Variants in IMMP2L observed in about 807,000 individuals in gnomAD.
The protein encoded by IMMP2L is mitochondrial inner membrane protease subunit 2.
IMMP2L carries 18 observed loss-of-function variants against 19.3 expected under a neutral mutation model. The ratio of observed to expected loss-of-function variants is 0.93; its 90% confidence interval spans 0.64 to 1.38. IMMP2L has a LOEUF of 1.38. IMMP2L is among the 40% of genes most tolerant of loss of function. The probability of loss-of-function intolerance (pLI) is 0.00; values close to 1 mark genes in which losing one functional copy is unlikely to be tolerated. For missense variants in IMMP2L, 233 were observed against 218.2 expected, an observed-to-expected ratio of 1.07 and a Z score of -0.43; for synonymous variants, 76 against 73.0, an observed-to-expected ratio of 1.04 and a Z score of -0.21.
At chr7:110,892,851 T>G (rs1648185331) in intron 4 of IMMP2L, among the ~76,000 whole-genome samples, 1 of 152,308 alleles carries the variant, frequency 6.6e-6, no homozygotes, top group Non-Finnish European at 1.5e-5. Flanking sequence ...ACATAATCAC[T>G]ATTTACATCA....
intron 3 of IMMP2L, among the ~76,000 whole-genome samples, chr7:111,356,339 C>G (rs2130936132): frequency 6.6e-6 from 1 of 152,106 alleles, no homozygotes; most frequent in African/African-American, 2.4e-5. Flanking sequence ...GTCATTATCC[C>G]CCAAACAATA....
At chr7:111,316,086 A>G (rs534482729) in intron 3 of IMMP2L, among the ~76,000 whole-genome samples, 5 of 152,160 alleles carry the variant, frequency 3.3e-5, no homozygotes, top group Non-Finnish European at 2.9e-5. Context: ...TTGTAGCACA[A>G]TGATATTTGT....
intron 4 of IMMP2L, among the ~76,000 whole-genome samples, chr7:110,887,411 G>T (rs1810332223): frequency 6.6e-6 from 1 of 152,018 alleles, no homozygotes; most frequent in African/African-American, 2.4e-5. Context: ...ATGTATAATG[G>T]TATAATGTTT....
At chr7:110,884,658 T>C (rs1225006483) in intron 5 of IMMP2L, among the ~76,000 whole-genome samples, 2 of 152,032 alleles carry the variant, frequency 1.3e-5, no homozygotes, top group Non-Finnish European at 2.9e-5. Flanking sequence ...ATAAAATGGC[T>C]TTTAGGTAAT....
At chr7:111,235,674 T>C (rs1337444356) in intron 3 of IMMP2L, among the ~76,000 whole-genome samples, 7 of 152,060 alleles carry the variant, frequency 4.6e-5, no homozygotes, top group East Asian at 1.9e-4. Flanking sequence ...AATATGCCTC[T>C]GTATCATCTT....
At chr7:111,317,539 G>GA (rs966370528) in intron 3 of IMMP2L, among the ~76,000 whole-genome samples, 6 of 151,944 alleles carry the variant, frequency 3.9e-5, no homozygotes, top group African/African-American at 1.4e-4. Flanking sequence ...ATCAGAGACA[G>GA]AAAAAAACTA....
chr7:111,352,725 A>G lies in IMMP2L; in HGVS notation c.239+134513T>C, dbSNP rs3801798. ...TGAGGGAAGTTCACACAGCAGCCGCATGGTATCGGTGAGAGGCATTGGACC... is the reference window on the plus strand; with the variant it reads ...TGAGGGAAGTTCACACAGCAGCCGCGTGGTATCGGTGAGAGGCATTGGACC... On this transcript the variant is annotated intron_variant, in intron 3 of 5. Coordinates refer to ENST00000405709, the MANE Select transcript of IMMP2L (RefSeq NM_032549.4). 1.2e-3 allele frequency among the ~76,000 whole-genome samples: 184 copies of G among 152,198 alleles called. 4 individuals are homozygous for G. In the East Asian group the frequency reaches 0.033, roughly 27 times the overall value.
At chr7:111,340,430 T>G (rs1826895974) in intron 3 of IMMP2L, among the ~76,000 whole-genome samples, 1 of 152,066 alleles carries the variant, frequency 6.6e-6, no homozygotes, top group African/African-American at 2.4e-5. Flanking sequence ...TCTTTAAGAA[T>G]TAAGACTGTG....
At chr7:111,234,733 T>C (rs888901647) in intron 3 of IMMP2L, among the ~76,000 whole-genome samples, 3 of 152,082 alleles carry the variant, frequency 2.0e-5, no homozygotes, top group Admixed American at 2.0e-4. Flanking sequence ...CTTTTAACTG[T>C]TGTTTTAGTG....
At chr7:111,191,862 T>C (rs898209772) in intron 3 of IMMP2L, among the ~76,000 whole-genome samples, 6 of 152,076 alleles carry the variant, frequency 3.9e-5, no homozygotes, top group Admixed American at 6.6e-5. Context: ...CCATTTATTC[T>C]ACAAAAGAAA....
intron 3 of IMMP2L, among the ~76,000 whole-genome samples, chr7:111,223,176 G>A (rs994674172): frequency 3.3e-5 from 5 of 151,904 alleles, no homozygotes; most frequent in Admixed American, 6.6e-5. Flanking sequence ...ATGGAAAAAT[G>A]ATCAGTAAAT....
intron 5 of IMMP2L, among the ~76,000 whole-genome samples, chr7:110,781,550 T>A (rs1438193081): frequency 1.3e-5 from 2 of 151,856 alleles, no homozygotes; most frequent in Non-Finnish European, 2.9e-5. Context: ...ATATTTTTTC[T>A]GAGATATAGA....
chr7:111,415,199 C>T (rs545756657), intron 3 of IMMP2L, among the ~76,000 whole-genome samples: 1 of 151,796 alleles, frequency 6.6e-6, no homozygotes, highest in South Asian at 2.1e-4. Context: ...CAAGGACTTA[C>T]AGGAGGGGAC....
chr7:111,035,790 T>C (rs890559854), intron 3 of IMMP2L, among the ~76,000 whole-genome samples: 3 of 152,184 alleles, frequency 2.0e-5, no homozygotes, highest in African/African-American at 7.2e-5. Flanking sequence ...CTTAACTATC[T>C]ATATTCTTCA....
chr7:110,918,843 TAAGAA>T (rs1040255084), intron 4 of IMMP2L, among the ~76,000 whole-genome samples: 1 of 152,218 alleles, frequency 6.6e-6, no homozygotes, highest in African/African-American at 2.4e-5. Context: ...TTAAAAAGAT[TAAGAA>T]AATAAGTCTT....
At chr7:110,780,740 A>C (rs1056867822) in intron 5 of IMMP2L, among the ~76,000 whole-genome samples, 4 of 151,866 alleles carry the variant, frequency 2.6e-5, no homozygotes, top group Non-Finnish European at 4.4e-5. Context: ...TCTGTATTTA[A>C]ATGAATTTTA....
intron 3 of IMMP2L, among the ~76,000 whole-genome samples, chr7:111,275,618 AT>A (rs1818942600): frequency 6.6e-6 from 1 of 152,158 alleles, no homozygotes; most frequent in Non-Finnish European, 1.5e-5. Context: ...TTAACATACA[AT>A]TTTATAGGGA....
intron 5 of IMMP2L, among the ~76,000 whole-genome samples, chr7:110,694,706 T>C (rs1483256242): frequency 6.6e-6 from 1 of 152,156 alleles, no homozygotes; most frequent in Non-Finnish European, 1.5e-5. Context: ...AATTTATATA[T>C]GATCGAGCAA....
chr7:111,024,945 T>C (rs999675833), intron 3 of IMMP2L, among the ~76,000 whole-genome samples: 5 of 152,250 alleles, frequency 3.3e-5, no homozygotes, highest in Admixed American at 2.0e-4. Flanking sequence ...TAAGGGAGTA[T>C]TGAAATCAGC....
Sources: gnomAD v4.1 joint callset for allele counts (sites outside exome capture counted in the v4.1 genomes callset) on GRCh38, gnomAD v4.1.1 for gene constraint, MANE v1.5 for transcripts, NCBI Gene and HGNC (gene_info 2026-07-23, HGNC 2026-07-21) for gene names.